The following EBF3 variants were observed in gnomAD, a reference collection of about 807,000 sequenced individuals.
EBF3 encodes the protein transcription factor COE3.
Under a neutral mutation model 77.1 loss-of-function variants are expected in EBF3, and 18 were observed. The observed-to-expected ratio is 0.23, with a 90% CI of 0.16 to 0.35. The LOEUF (loss-of-function observed/expected upper bound fraction) is 0.35. EBF3 is among the 10% of genes least tolerant of loss of function. The pLI, the probability that EBF3 is intolerant of heterozygous loss-of-function variation, is 1.00. For synonymous variants in EBF3, 350 were observed against 343.5 expected (o/e 1.02, Z -0.21); for missense variants, 558 against 860.0 (o/e 0.65, Z 4.39).
intron 8 of EBF3, among the ~76,000 whole-genome samples, chr10:129,869,651 A>G (rs1852276461): frequency 6.6e-6 from 1 of 152,236 alleles, no homozygotes; most frequent in Non-Finnish European, 1.5e-5. Context: ...GACACTGTCT[A>G]GTTAATCACC....
intron 6 of EBF3, among the ~76,000 whole-genome samples, chr10:129,904,555 AATGG>A (rs1855001030): frequency 6.6e-6 from 1 of 151,474 alleles, no homozygotes; most frequent in Non-Finnish European, 1.5e-5. Context: ...TGCATGGATA[AATGG>A]ATGGATGAAC....
chr10:129,942,916 G>A (rs1035452502), intron 6 of EBF3, among the ~76,000 whole-genome samples: 3 of 152,178 alleles, frequency 2.0e-5, no homozygotes, highest in Non-Finnish European at 4.4e-5. Context: ...GAAGCCAGTT[G>A]CCAGATCACG....
chr10:129,865,604 C>A (rs1398374072), intron 10 of EBF3, among the ~76,000 whole-genome samples: 3 of 152,216 alleles, frequency 2.0e-5, no homozygotes, highest in African/African-American at 2.4e-5. Flanking sequence ...GTCGACTGGA[C>A]ACCTCTGGGA....
intron 6 of EBF3, among the ~76,000 whole-genome samples, chr10:129,899,011 C>T (rs1420273549): frequency 1.3e-5 from 2 of 152,184 alleles, no homozygotes; most frequent in Admixed American, 1.3e-4. Flanking sequence ...CACGGCTACA[C>T]GTCGGAGCGC....
chr10:129,880,706 A>C (rs890773921), intron 6 of EBF3, among the ~76,000 whole-genome samples: 2 of 152,250 alleles, frequency 1.3e-5, no homozygotes, highest in Non-Finnish European at 2.9e-5. Context: ...CTCAACAGTC[A>C]AGTGGCTCCA....
chr10:129,847,294 C>A (rs193086184), intron 11 of EBF3, among the ~76,000 whole-genome samples: 2 of 152,258 alleles, frequency 1.3e-5, no homozygotes, highest in African/African-American at 4.8e-5. Flanking sequence ...ACAAAGCCAG[C>A]CCTAGATGGA....
chr10:129,921,181 A>G (rs1856273316), intron 6 of EBF3, among the ~76,000 whole-genome samples: 1 of 152,028 alleles, frequency 6.6e-6, no homozygotes, highest in Non-Finnish European at 1.5e-5. Context: ...TTCGATGGTC[A>G]GGAAGAATGT....
intron 6 of EBF3, among the ~76,000 whole-genome samples, chr10:129,955,867 A>G (rs1242484635): frequency 6.6e-6 from 1 of 152,266 alleles, no homozygotes; most frequent in Non-Finnish European, 1.5e-5. Flanking sequence ...CAACTTAGAC[A>G]AGACTCCAAT....
Position 129,841,161 on chromosome 10 carries a change from C to A in EBF3, c.1373-129G>T. 8.0e-7 allele frequency: 1 copy of A among 1,244,728 alleles called. No homozygotes were observed. The highest frequency in any genetic ancestry group is 1.5e-5 in the South Asian group (1 of 65,342). 77.1% of individuals were successfully genotyped at this position (1,244,728 alleles called of 1,614,324 possible). ...ACCCTGTGCTTTCCACCTGCTCTAG[C>A]GCCTGCTGCCAGCTCGGATGACCTT... On this transcript the variant is annotated intron_variant, in intron 13 of 16. Transcript: ENST00000440978. The surrounding 1 kb of genome is among the most constrained non-coding windows in gnomAD (Gnocchi z 4.6).
At chr10:129,886,955 A>T (rs1005198611) in intron 6 of EBF3, among the ~76,000 whole-genome samples, 6 of 150,836 alleles carry the variant, frequency 4.0e-5, no homozygotes, top group Non-Finnish European at 5.9e-5. Flanking sequence ...TAACACTGGA[A>T]TGCAGAAACA....
Position 129,964,048 on chromosome 10 carries a change from T to C in EBF3, c.-280A>G. 1 of 985,134 alleles carries C rather than the reference T, an allele frequency of 1.0e-6. No homozygotes were observed. Among genetic ancestry groups the C allele is most frequent in the Non-Finnish European group, 1.2e-6 (1 of 829,834 alleles). The allele number at this position is 985,134 out of a possible 1,614,324, so 61.0% of individuals were successfully genotyped here. ...GCGGCGGCGCTTGTTGTTGTTGTTGTTTGCAGGCGCGCTCAACGTGGTGTC... is the reference window on the plus strand; with the variant it reads ...GCGGCGGCGCTTGTTGTTGTTGTTGCTTGCAGGCGCGCTCAACGTGGTGTC... On this transcript the variant is annotated 5_prime_UTR_variant, in exon 1 of 17. Transcript: ENST00000440978. This position sits in a 1 kb window ranked among gnomAD's most constrained non-coding sequence, Gnocchi z 4.5.
At chr10:129,865,792 G>C (rs776084837) in intron 10 of EBF3, among the ~76,000 whole-genome samples, 1 of 152,224 alleles carries the variant, frequency 6.6e-6, no homozygotes, top group Non-Finnish European at 1.5e-5. Flanking sequence ...TGAAAGCAGA[G>C]GGGGCTTAGC....
intron 11 of EBF3, chr10:129,845,719 C>T (rs1370273365): frequency 6.6e-6 from 1 of 151,302 alleles, no homozygotes; most frequent in African/African-American, 2.4e-5. Flanking sequence ...TGGGTAATTG[C>T]TCAACATGAC....
At chr10:129,906,769 T>C (rs1381586854) in intron 6 of EBF3, among the ~76,000 whole-genome samples, 4 of 152,186 alleles carry the variant, frequency 2.6e-5, no homozygotes, top group Non-Finnish European at 5.9e-5. Flanking sequence ...TTTTTTCGAT[T>C]CTGTCAAAAT....
At position 129,840,862 on chromosome 10, in the gene EBF3, C is replaced by T. The variant is rs377253549; in HGVS notation, c.1543G>A (p.Ala515Thr). Residue 515 changes from alanine (A) to threonine (T), a missense_variant, in exon 14 of 17, where the codon GCT (alanine) becomes ACT (threonine). Physicochemically the swap from Ala to Thr is moderately conservative, Grantham distance 58. Transcript: ENST00000440978. ...CACTTACTGCCGTAGGGAGAGTTAG[C>T]GGAGGAGCCATTAAGAAATCCAGGC... The part of the protein sequence containing the change: ...GSPGFLNGSS[A>T]NSPYGIVPSS... The T allele has an allele frequency of 1.3e-5, 21 of 1,613,354 alleles. No homozygotes were observed. The highest frequency in any genetic ancestry group is 1.4e-5 in the Non-Finnish European group (16 of 1,179,706).
At chr10:129,961,217 T>G (rs979507724) in intron 4 of EBF3, among the ~76,000 whole-genome samples, 1 of 152,252 alleles carries the variant, frequency 6.6e-6, no homozygotes, top group South Asian at 2.1e-4. Flanking sequence ...GAAGCCACTT[T>G]CATTTCTAAG....
At chr10:129,894,220 T>G (rs1399568929) in intron 6 of EBF3, among the ~76,000 whole-genome samples, 1 of 152,242 alleles carries the variant, frequency 6.6e-6, no homozygotes, top group East Asian at 1.9e-4. Context: ...GTTTAATTCA[T>G]AAATCCTGTC....
intron 6 of EBF3, among the ~76,000 whole-genome samples, chr10:129,921,958 A>G (rs1363679555): frequency 4.6e-5 from 7 of 151,960 alleles, no homozygotes; most frequent in African/African-American, 1.7e-4. Context: ...CATGCCATTG[A>G]CCCGCTGTCC....
rs374464374 is a variant in EBF3, at chr10:129,959,011, C to T, written c.412-4G>A. On this transcript the variant is annotated splice_polypyrimidine_tract_variant and splice_region_variant and intron_variant, in intron 4 of 16. Coordinates refer to ENST00000440978, the MANE Select transcript of EBF3 (RefSeq NM_001375380.1). ...CCTGGCCCTCGTAGACGATGGCCTG[C>T]GCGAGGGACAAGCAGAGGCTGGGGT... 2 of 1,597,900 alleles carry T rather than the reference C, an allele frequency of 1.3e-6. No individual in the cohort carries two copies. Among genetic ancestry groups the T allele is most frequent in the Non-Finnish European group, 1.7e-6 (2 of 1,173,610 alleles).
Sources: allele counts gnomAD v4.1 joint callset (sites outside exome capture counted in the v4.1 genomes callset), GRCh38; gene constraint gnomAD v4.1.1; non-coding constraint Gnocchi (gnomAD v3.1); transcripts MANE v1.5; gene names NCBI Gene and HGNC (gene_info 2026-07-23, HGNC 2026-07-21).